ZMYND11: variants seen among roughly 807,000 people sequenced by gnomAD.
ZMYND11 encodes the protein zinc finger MYND-type containing 11.
A neutral mutation model predicts 84.9 loss-of-function variants in ZMYND11; 9 were observed. That is an observed-to-expected ratio of 0.11 (90% confidence interval 0.06 to 0.18). ZMYND11 has a LOEUF of 0.18. Ranked by LOEUF, ZMYND11 falls within the 10% of genes least tolerant of loss-of-function variation. The pLI is 1.00. For synonymous variants in ZMYND11, 250 were observed against 244.1 expected, an observed-to-expected ratio of 1.02 and a Z score of -0.23; for missense variants, 409 against 761.0, an observed-to-expected ratio of 0.54 and a Z score of 5.44.
chr10:241,532 G>C (rs981247924), intron 9 of ZMYND11, among the ~76,000 whole-genome samples: 4 of 152,158 alleles, frequency 2.6e-5, no homozygotes, highest in African/African-American at 9.7e-5. Flanking sequence ...TTTCACAAGA[G>C]ACCTAAGGCT....
At chr10:131,778 T>C (rs79642209), upstream of ZMYND11, among the ~76,000 whole-genome samples, 31,791 of 151,960 alleles carry the variant, frequency 0.21, 3,866 homozygotes, top group South Asian at 0.34. Context: ...ACCTCCCGCC[T>C]TGGCCTCCCA....
At chr10:174,311 G>A (rs1846054879) in intron 1 of ZMYND11, among the ~76,000 whole-genome samples, 1 of 152,220 alleles carries the variant, frequency 6.6e-6, no homozygotes, top group African/African-American at 2.4e-5. Flanking sequence ...GCCACATACT[G>A]TATGATTCCA....
chr10:238,752 C>A (rs944033017), intron 6 of ZMYND11, among the ~76,000 whole-genome samples: 1 of 152,060 alleles, frequency 6.6e-6, no homozygotes, highest in African/African-American at 2.4e-5. Context: ...ACTGGTAAAT[C>A]CTGGAACAAA....
upstream of ZMYND11, chr10:135,206 A>G (rs1319073565): frequency 6.6e-6 from 1 of 150,754 alleles, no homozygotes; most frequent in Non-Finnish European, 1.5e-5. The surrounding 1 kb of genome is among the most constrained non-coding windows in gnomAD (Gnocchi z 5.6). Flanking sequence ...AGACGCGAGT[A>G]AGTGCGGGCG....
intron 4 of ZMYND11, among the ~76,000 whole-genome samples, chr10:234,982 ATGTGTGTG>A (rs60483060): frequency 3.4e-5 from 5 of 148,884 alleles, no homozygotes; most frequent in East Asian, 4.0e-4. Flanking sequence ...TATTTCGCAA[ATGTGTGTG>A]TGTGTGTGTG....
At chr10:170,746 A>G (rs1286826053) in intron 1 of ZMYND11, among the ~76,000 whole-genome samples, 2 of 152,154 alleles carry the variant, frequency 1.3e-5, no homozygotes, top group African/African-American at 4.8e-5. Context: ...CTCAACTAAA[A>G]CCACAAAAGG....
chr10:248,407 A>G lies in ZMYND11; in HGVS notation c.1299A>G (p.Lys433=). The part of the protein sequence containing the change: ...EIPTMPQPIE[K]VSVSTQTKKL... ...CCACGATGCCTCAGCCCATCGAAAA[A>G]GTCTCCGTGTCAACTCAGACAAAGA... Residue 433 remains lysine (K), a synonymous_variant, in exon 13 of 15, where the codon AAA becomes AAG. Coordinates refer to ENST00000381604, the MANE Select transcript of ZMYND11 (RefSeq NM_001370100.5). 1 of 1,614,190 alleles carries G rather than the reference A, an allele frequency of 6.2e-7. No homozygotes were observed. The highest frequency in any genetic ancestry group is 8.5e-7 in the Non-Finnish European group (1 of 1,180,020).
intron 1 of ZMYND11, among the ~76,000 whole-genome samples, chr10:150,666 T>C (rs1048273834): frequency 6.6e-6 from 1 of 152,174 alleles, no homozygotes; most frequent in Non-Finnish European, 1.5e-5. Context: ...GGGCAGGGCA[T>C]AGCCGAACAA....
chr10:137,928 T>A (rs1836507668), intron 1 of ZMYND11, among the ~76,000 whole-genome samples: 1 of 152,178 alleles, frequency 6.6e-6, no homozygotes, highest in African/African-American at 2.4e-5. Flanking sequence ...CCATAGAGAT[T>A]GCTCATATGA....
Position 146,056 on chromosome 10 carries a change from A to G in ZMYND11, c.-20+10497A>G, listed in dbSNP as rs1838750345. On this transcript the variant is annotated intron_variant, in intron 1 of 14. Coordinates refer to ENST00000381604, the MANE Select transcript of ZMYND11 (RefSeq NM_001370100.5). The stretch of plus-strand genomic sequence containing the variant: ...TAATCCATCTTGAGTTGATTTTTGT[A>G]TAAGGTGGGAGCTAGGGATCCAGTT... 2.6e-5 allele frequency among the ~76,000 whole-genome samples: 4 copies of G among 152,096 alleles called. No individual in the cohort carries two copies. In the South Asian group the frequency reaches 6.2e-4, roughly 24 times the overall value.
intron 2 of ZMYND11, 43 bp from the exon 3 acceptor site, chr10:209,846 C>T: frequency 1.3e-6 from 2 of 1,559,066 alleles, no homozygotes; most frequent in Non-Finnish European, 8.7e-7. Context: ...TTTTAGTTTT[C>T]AGTACTGAAA....
intron 1 of ZMYND11, among the ~76,000 whole-genome samples, chr10:158,609 C>T (rs1191414332): frequency 1.1e-4 from 15 of 141,706 alleles, no homozygotes; most frequent in African/African-American, 3.4e-4. Context: ...TTTGTAGAGA[C>T]GGGGTTTCAC....
chr10:254,358 TAAA>T lies in ZMYND11; in HGVS notation c.*1895_*1897del, dbSNP rs1011244664. 1.3e-5 allele frequency: 2 copies of T among 151,488 alleles called. No individual in the cohort carries two copies. The highest frequency in any genetic ancestry group is 2.1e-4 in the South Asian group (1 of 4,770). 9.4% of individuals were successfully genotyped at this position (151,488 alleles called of 1,614,324 possible). A position where few individuals can be genotyped will look rare whatever the true frequency, so the allele number is the denominator to read the frequency against. ...TACTACAGCGTGAAAACTGTGTGTT[TAAA>T]AAAAAACAAAATTAAAAAAAGAGAT... On this transcript the variant is annotated 3_prime_UTR_variant, in exon 15 of 15. Transcript: ENST00000381604.
At chr10:227,990 TATA>T (rs879547447) in intron 4 of ZMYND11, among the ~76,000 whole-genome samples, 3 of 152,196 alleles carry the variant, frequency 2.0e-5, no homozygotes, top group Non-Finnish European at 2.9e-5. Context: ...TAAGACAACT[TATA>T]ATTTTATACT....
At chr10:213,468 A>C (rs1945624758) in intron 3 of ZMYND11, among the ~76,000 whole-genome samples, 1 of 152,224 alleles carries the variant, frequency 6.6e-6, no homozygotes, top group Non-Finnish European at 1.5e-5. Flanking sequence ...GGAACATGAC[A>C]AGTAGATGTA....
chr10:195,754 C>T lies in ZMYND11; in HGVS notation c.117-14135C>T, dbSNP rs1400410146. Reference sequence around the variant, plus strand: ...GGGGTGAGTGCCACCAGGATGGGCACATTCTAGGGGCTTTTGTCAGAGTTG... The same window carrying T: ...GGGGTGAGTGCCACCAGGATGGGCATATTCTAGGGGCTTTTGTCAGAGTTG... On this transcript the variant is annotated intron_variant, in intron 2 of 14. Coordinates refer to ENST00000381604, the MANE Select transcript of ZMYND11 (RefSeq NM_001370100.5). 3.3e-5 allele frequency among the ~76,000 whole-genome samples: 5 copies of T among 152,152 alleles called. No homozygotes were observed. In the East Asian group the frequency reaches 9.6e-4, roughly 29 times the overall value.
At chr10:185,842 A>C (rs1284935793) in intron 2 of ZMYND11, among the ~76,000 whole-genome samples, 1 of 151,672 alleles carries the variant, frequency 6.6e-6, no homozygotes, top group Non-Finnish European at 1.5e-5. Flanking sequence ...AAAAACAAAA[A>C]AAAAGACGGT....
intron 4 of ZMYND11, among the ~76,000 whole-genome samples, chr10:223,925 G>A (rs765826643): frequency 6.6e-6 from 1 of 151,948 alleles, no homozygotes; most frequent in Non-Finnish European, 1.5e-5. Context: ...CTGTGGTTCC[G>A]AATCAGAATA....
chr10:197,827 A>G (rs1251383899), intron 2 of ZMYND11: 2 of 432,468 alleles, frequency 4.6e-6, no homozygotes, highest in Non-Finnish European at 8.2e-6. Context: ...ACAATATGCC[A>G]AAACAGTACT....
Sources: allele counts gnomAD v4.1 joint callset (sites outside exome capture counted in the v4.1 genomes callset), GRCh38; gene constraint gnomAD v4.1.1; non-coding constraint Gnocchi (gnomAD v3.1); transcripts MANE v1.5; gene names NCBI Gene and HGNC (gene_info 2026-07-23, HGNC 2026-07-21).